The following MCTP2 variants were observed in gnomAD, a reference collection of about 807,000 sequenced individuals.
MCTP2 encodes the protein multiple C2 and transmembrane domain-containing protein 2.
In MCTP2, 132 loss-of-function variants were observed where a neutral mutation model predicts 111.6. The ratio of observed to expected loss-of-function variants is 1.18; its 90% CI spans 1.03 to 1.37. The LOEUF (loss-of-function observed/expected upper bound fraction) is 1.37. MCTP2 is among the 40% of genes most tolerant of loss of function. MCTP2 has a pLI of 0.00. For missense variants in MCTP2, 1,183 were observed against 1,067.9 expected, an observed-to-expected ratio of 1.11 and a Z score of -1.50; for synonymous variants, 395 against 387.7, an observed-to-expected ratio of 1.02 and a Z score of -0.22.
intron 20 of MCTP2, among the ~76,000 whole-genome samples, chr15:94,462,806 T>A (rs1261629751): frequency 6.6e-6 from 1 of 152,212 alleles, no homozygotes; most frequent in East Asian, 1.9e-4. Flanking sequence ...ATAACAATAA[T>A]GATTTCTGCT....
chr15:94,376,649 C>T (rs77859877), intron 12 of MCTP2, among the ~76,000 whole-genome samples: 103 of 152,216 alleles, frequency 6.8e-4, no homozygotes, highest in African/African-American at 2.5e-3. Context: ...TTGTTTTGTT[C>T]ACATATTGTT....
chr15:94,372,159 G>A (rs1023646701), intron 12 of MCTP2, among the ~76,000 whole-genome samples: 11 of 152,232 alleles, frequency 7.2e-5, no homozygotes, highest in African/African-American at 2.4e-4. Context: ...AATAACGATA[G>A]CAGTAGTTAG....
At chr15:94,255,623 G>A (rs1455758) in intron 1 of MCTP2, among the ~76,000 whole-genome samples, 64,587 of 151,950 alleles carry the variant, frequency 0.43, 14,070 homozygotes, top group Middle Eastern at 0.57. Context: ...AGAATCCTGG[G>A]ATATTTGGTA....
intron 12 of MCTP2, among the ~76,000 whole-genome samples, chr15:94,378,006 T>C (rs1299137063): frequency 6.6e-6 from 1 of 151,932 alleles, no homozygotes; most frequent in Non-Finnish European, 1.5e-5. Flanking sequence ...ATGTCTTAGG[T>C]GGGACTGGAT....
chr15:94,404,511 A>G (rs1022834528), intron 17 of MCTP2, among the ~76,000 whole-genome samples: 1 of 152,030 alleles, frequency 6.6e-6, no homozygotes, highest in African/African-American at 2.4e-5. Flanking sequence ...CATATTGGCC[A>G]GGCTGGTCTT....
rs1377013132 is a variant in MCTP2, at chr15:94,317,060, TTC to T, written c.637+1425_637+1426del. ...CTTGTCAGTTGTTTACATTGTACTG[TTC>T]TGTTTACCAATTGTTATGTTTTTCA... On this transcript the variant is annotated intron_variant, in intron 4 of 22. Coordinates refer to ENST00000357742, the MANE Select transcript of MCTP2 (RefSeq NM_001385001.1). 2.0e-5 allele frequency among the ~76,000 whole-genome samples: 3 copies of T among 152,204 alleles called. No homozygotes were observed. In the East Asian group the frequency reaches 5.8e-4, roughly 29 times the overall value.
In MCTP2 at chr15:94,345,130, G is replaced by T. The variant is rs150589799; in HGVS notation, c.971G>T (p.Arg324Leu). The change falls in exon 8 of 23, where the codon CGT (arginine) becomes CTT (leucine). Residue 324 changes from arginine (R) to leucine (L), a missense_variant and splice_region_variant. Arg to Leu is a moderately radical substitution (Grantham distance 102). Coordinates refer to ENST00000357742, the MANE Select transcript of MCTP2 (RefSeq NM_001385001.1). Reference protein sequence around the residue: ...VVKQGDFKRHRWSNRKRLSAS... With the variant: ...VVKQGDFKRHLWSNRKRLSAS... ...CATTCCGCGGACACAAATCTTTAGC[G>T]TTGGTCAAATCGGAAGCGATTAAGT... The T allele has an allele frequency of 2.5e-6, 4 of 1,612,562 alleles. No individual in the cohort carries two copies. The South Asian group carries it at 4.4e-5, about 18-fold the overall frequency.
intron 6 of MCTP2, 82 bp downstream of exon 6, chr15:94,340,357 C>A (rs1355593669): frequency 2.0e-6 from 2 of 990,196 alleles, no homozygotes; most frequent in Non-Finnish European, 3.2e-6. Context: ...TTGTTGAGGT[C>A]AAATGACAAA....
intron 21 of MCTP2, among the ~76,000 whole-genome samples, chr15:94,475,384 C>T (rs1188167404): frequency 6.6e-6 from 1 of 152,142 alleles, no homozygotes; most frequent in Non-Finnish European, 1.5e-5. Context: ...TCTGACCCTC[C>T]AAAGAAATAA....
Position 94,474,361 on chromosome 15 carries a change from A to G in MCTP2, c.2471-2335A>G, listed in dbSNP as rs550259883. On this transcript the variant is annotated intron_variant, in intron 21 of 22. Coordinates refer to ENST00000357742, the MANE Select transcript of MCTP2 (RefSeq NM_001385001.1). ...TTGTAGAATTTCAGACTACAGTATCATTTTGCCTGTACTGCCCAATGTGAT... is the reference window on the plus strand; with the variant it reads ...TTGTAGAATTTCAGACTACAGTATCGTTTTGCCTGTACTGCCCAATGTGAT... Among the ~76,000 whole-genome samples, 3 of 152,250 alleles carry G rather than the reference A, an allele frequency of 2.0e-5. No homozygotes were observed. The East Asian group carries it at 5.8e-4, about 29-fold the overall frequency.
At chr15:94,464,390 C>CATCCTCTTATTTAATGTTGTTTATAAA in intron 20 of MCTP2, among the ~76,000 whole-genome samples, 1 of 150,696 alleles carries the variant, frequency 6.6e-6, no homozygotes. Flanking sequence ...TTGTTTATAA[C>CATCCTCTTATTTAATGTTGTTTATAAA]ATCCTCTTAT....
intron 17 of MCTP2, among the ~76,000 whole-genome samples, chr15:94,410,261 T>C (rs141012951): frequency 7.2e-5 from 11 of 152,234 alleles, no homozygotes; most frequent in East Asian, 5.8e-4. Context: ...CCTGGACTTG[T>C]TGAGAACCTG....
At chr15:94,354,908 G>A (rs560289619) in intron 8 of MCTP2, among the ~76,000 whole-genome samples, 30 of 152,322 alleles carry the variant, frequency 2.0e-4, no homozygotes, top group Admixed American at 9.8e-4. Context: ...AGCGATGACA[G>A]GAATGAATAT....
intron 1 of MCTP2, among the ~76,000 whole-genome samples, chr15:94,245,245 C>G (rs555675156): frequency 3.6e-5 from 5 of 137,192 alleles, no homozygotes; most frequent in African/African-American, 1.3e-4. Flanking sequence ...TGTATATATA[C>G]ACATATGTAT....
intron 4 of MCTP2, among the ~76,000 whole-genome samples, chr15:94,336,989 A>C (rs2152398289): frequency 6.6e-6 from 1 of 152,256 alleles, no homozygotes; most frequent in African/African-American, 2.4e-5. Flanking sequence ...TGAAGCTCCC[A>C]GTGAACAAGG....
intron 7 of MCTP2, among the ~76,000 whole-genome samples, 176 bp from the exon 8 acceptor site, chr15:94,344,953 T>C (rs562116658): frequency 5.3e-4 from 81 of 152,342 alleles, no homozygotes; most frequent in African/African-American, 1.7e-3. Flanking sequence ...TGTGACTCTT[T>C]GTTGTTGTTT....
chr15:94,329,156 A>G (rs2077024847), intron 4 of MCTP2, among the ~76,000 whole-genome samples: 1 of 152,166 alleles, frequency 6.6e-6, no homozygotes, highest in East Asian at 1.9e-4. Context: ...CAGATACCCT[A>G]CTTTTTTATT....
At chr15:94,462,174 G>A (rs75171644) in intron 20 of MCTP2, among the ~76,000 whole-genome samples, 2,313 of 152,278 alleles carry the variant, frequency 0.015, 28 homozygotes, top group Middle Eastern at 0.031. Context: ...GTTGGGGGAG[G>A]ACCCAGAGAA....
At chr15:94,442,512 T>TA (rs1208916905) in intron 18 of MCTP2, among the ~76,000 whole-genome samples, 1 of 152,194 alleles carries the variant, frequency 6.6e-6, no homozygotes, top group African/African-American at 2.4e-5. Flanking sequence ...GATGTTTCAG[T>TA]AATGGCCCCA....
Sources: allele counts gnomAD v4.1 joint callset (sites outside exome capture counted in the v4.1 genomes callset), GRCh38; gene constraint gnomAD v4.1.1; transcripts MANE v1.5; gene names NCBI Gene and HGNC (gene_info 2026-07-23, HGNC 2026-07-21).